MAGEA11: variants seen among roughly 807,000 people sequenced by gnomAD.
MAGEA11 encodes the protein MAGE family member A11, also known as melanoma-associated antigen 11.
In MAGEA11, 1 loss-of-function variant was observed where a neutral mutation model predicts 8.4. The ratio of observed to expected loss-of-function variants is 0.12; its 90% CI spans 0.04 to 0.57. MAGEA11 has a LOEUF of 0.57. Among genes scored for constraint, MAGEA11 ranks in the 20% least tolerant of loss-of-function variants. MAGEA11 has a pLI of 0.91. For missense variants in MAGEA11, 209 were observed against 317.3 expected (o/e 0.66, Z 2.59); for synonymous variants, 127 against 119.3 (o/e 1.06, Z -0.42).
upstream of MAGEA11, among the ~76,000 whole-genome samples, chrX:149,688,657 CATACAT>C (rs58756024): frequency 0.23 from 22,299 of 98,615 alleles, 2,216 homozygotes; most frequent in Non-Finnish European, 0.26. Flanking sequence ...TACATATACA[CATACAT>C]ATACATATAC....
At chrX:149,714,289 T>A in intron 2 of MAGEA11, 192 bp from the exon 3 acceptor site, 1 of 570,188 alleles carries the variant, frequency 1.8e-6, no homozygotes, top group Non-Finnish European at 2.7e-6. Context: ...TGTAAAGGGA[T>A]ATGTCTGCTC....
chrX:149,714,099 G>A lies in MAGEA11; in HGVS notation c.97-382G>A, dbSNP rs145784632. 437 of 137,857 alleles carry A rather than the reference G, an allele frequency of 3.2e-3. 4 individuals are homozygous for A. Among genetic ancestry groups the A allele is most frequent in the African/African-American group, 0.013 (407 of 31,707 alleles). The allele number at this position is 137,857 out of a possible 1,213,427, so 11.4% of individuals were successfully genotyped here. A position where few individuals can be genotyped will look rare whatever the true frequency, so the allele number is the denominator to read the frequency against. On this transcript the variant is annotated intron_variant, in intron 2 of 4. Transcript: ENST00000355220. ...TCCCAGGATCTTTAGGACTCAAGGT[G>A]TATGTGTCCCCTTGGTGAGGACTGG...
chrX:149,698,459 C>T (rs2090338861), intron 1 of MAGEA11, among the ~76,000 whole-genome samples: 1 of 111,381 alleles, frequency 9.0e-6, no homozygotes, highest in Admixed American at 9.5e-5. Flanking sequence ...ATTTCTGAGA[C>T]AAATCTCAAT....
intron 3 of MAGEA11, among the ~76,000 whole-genome samples, chrX:149,715,178 G>A (rs1407253724): frequency 9.0e-6 from 1 of 111,717 alleles, no homozygotes; most frequent in Non-Finnish European, 1.9e-5. Context: ...TCTCAGGTCA[G>A]GAGAGCTGTG....
At chrX:149,690,432 C>T (rs1431837893) in intron 1 of MAGEA11, among the ~76,000 whole-genome samples, 1 of 112,270 alleles carries the variant, frequency 8.9e-6, no homozygotes, top group Non-Finnish European at 1.9e-5. Flanking sequence ...TGTGCAGGCT[C>T]ACCTTATTAG....
upstream of MAGEA11, among the ~76,000 whole-genome samples, chrX:149,708,839 G>A (rs1448978131): frequency 9.0e-6 from 1 of 111,310 alleles, no homozygotes; most frequent in African/African-American, 3.3e-5. Flanking sequence ...AAACAGATTA[G>A]TAATGGATTG....
At chrX:149,689,221 C>A (rs2090300554) in intron 1 of MAGEA11, among the ~76,000 whole-genome samples, 1 of 110,786 alleles carries the variant, frequency 9.0e-6, no homozygotes, top group Non-Finnish European at 1.9e-5. Context: ...GTTTAAAGTG[C>A]AGATATTTGG....
intron 1 of MAGEA11, among the ~76,000 whole-genome samples, chrX:149,691,010 G>A (rs1261987972): frequency 1.8e-5 from 2 of 111,527 alleles, no homozygotes; most frequent in Admixed American, 9.5e-5. Flanking sequence ...TGCTGTCATC[G>A]TTATCTTTGT....
intron 1 of MAGEA11, among the ~76,000 whole-genome samples, chrX:149,700,414 T>C (rs1271098735): frequency 8.9e-6 from 1 of 111,852 alleles, no homozygotes; most frequent in Non-Finnish European, 1.9e-5. Flanking sequence ...TCATTATCAT[T>C]TATGTCAAAA....
chrX:149,688,826 C>T, exon 1 of MAGEA11: 1 of 377,122 alleles, frequency 2.7e-6, no homozygotes, highest in South Asian at 2.8e-5. Flanking sequence ...TAATCCTGTG[C>T]ACTCTCACCA....
rs1397030546 is a variant in MAGEA11 at position 149,716,321 on chromosome X, G to A, written c.835G>A (p.Val279Met). ...CATGCAACTGCTCTTTGGCATTGAT[G>A]TGAAGGAAGTGGACCCCACTAGCCA... ...VCMQLLFGID[V>M]KEVDPTSHSY... Residue 279 changes from valine to methionine, a missense_variant, in exon 5 of 5, where the codon GTG becomes ATG. By Grantham distance (21) the Val-to-Met change is conservative. Transcript: ENST00000355220. 8.3e-7 allele frequency: 1 copy of A among 1,209,613 alleles called. No homozygotes were observed. The highest frequency in any genetic ancestry group is 1.1e-6 in the Non-Finnish European group (1 of 894,799).
At chrX:149,690,337 A>G (rs782253513) in intron 1 of MAGEA11, among the ~76,000 whole-genome samples, 12 of 112,821 alleles carry the variant, frequency 1.1e-4, no homozygotes, top group Admixed American at 8.4e-4. Flanking sequence ...CATTTAAGGA[A>G]TATTACAGAG....
At chrX:149,691,906 T>C (rs1478883808) in intron 1 of MAGEA11, among the ~76,000 whole-genome samples, 2 of 112,682 alleles carry the variant, frequency 1.8e-5, no homozygotes, top group Non-Finnish European at 3.7e-5. Context: ...TGTTTCAATA[T>C]GTACAGTAAA....
At chrX:149,707,919 A>T (rs1397276782), upstream of MAGEA11, among the ~76,000 whole-genome samples, 4 of 112,668 alleles carry the variant, frequency 3.6e-5, no homozygotes, top group African/African-American at 1.3e-4. Flanking sequence ...ATGAGTTAAG[A>T]GGGAGGATTG....
chrX:149,714,310 T>G, intron 2 of MAGEA11, 171 bp from the exon 3 acceptor site: 1 of 674,982 alleles, frequency 1.5e-6, no homozygotes, highest in Non-Finnish European at 2.2e-6. Context: ...ATCTCAGGGG[T>G]TGGGAGTCAA....
chrX:149,694,264 T>G (rs1165723703), intron 1 of MAGEA11, among the ~76,000 whole-genome samples: 1 of 112,528 alleles, frequency 8.9e-6, no homozygotes. Context: ...TTCTAGTGTA[T>G]GTAAAGTGGT....
intron 1 of MAGEA11, among the ~76,000 whole-genome samples, chrX:149,692,099 T>C (rs1416280558): frequency 8.9e-6 from 1 of 112,120 alleles, no homozygotes; most frequent in East Asian, 2.8e-4. Context: ...GAAAATATTT[T>C]TTTTTTGGTT....
chrX:149,693,434 G>A (rs2090318288), intron 1 of MAGEA11, among the ~76,000 whole-genome samples: 1 of 111,412 alleles, frequency 9.0e-6, no homozygotes, highest in Non-Finnish European at 1.9e-5. Flanking sequence ...TCTATCATGT[G>A]AGAGTGTTAT....
At chrX:149,707,295 T>G (rs2090381492), upstream of MAGEA11, among the ~76,000 whole-genome samples, 1 of 111,966 alleles carries the variant, frequency 8.9e-6, no homozygotes, top group African/African-American at 3.3e-5. Flanking sequence ...ATTGAACACA[T>G]TTCCTCCCTA....
Sources: gnomAD v4.1 joint callset for allele counts (sites outside exome capture counted in the v4.1 genomes callset) on GRCh38, gnomAD v4.1.1 for gene constraint, MANE v1.5 for transcripts, NCBI Gene and HGNC (gene_info 2026-07-23, HGNC 2026-07-21) for gene names.